Variants in IL4I1 observed in about 807,000 individuals in gnomAD.
IL4I1 encodes the protein interleukin 4 induced 1, also known as L-amino-acid oxidase.
IL4I1 carries 24 observed loss-of-function variants against 29.7 expected under a neutral mutation model. That is an observed-to-expected ratio of 0.81 (90% CI 0.59 to 1.14). IL4I1 has a LOEUF of 1.14. Ranked by LOEUF, IL4I1 falls within the 50% of genes most tolerant of loss-of-function variation. The pLI, the probability that IL4I1 is intolerant of heterozygous loss-of-function variation, is 0.00. For synonymous variants in IL4I1, 371 were observed against 352.5 expected (o/e 1.05, Z -0.59); for missense variants, 686 against 785.6 (o/e 0.87, Z 1.52).
chr19:49,895,698 T>TGCCCCCCCAAA, intron 3 of IL4I1, 117 bp downstream of exon 3: 5 of 705,414 alleles, frequency 7.1e-6, no homozygotes, highest in African/African-American at 1.8e-5. Context: ...AGATAGCCTC[T>TGCCCCCCCAAA]CCCCCCACAT....
At chr19:49,924,801 G>T (rs2075846636) in intron 2 of IL4I1, among the ~76,000 whole-genome samples, 1 of 152,204 alleles carries the variant, frequency 6.6e-6, no homozygotes, top group South Asian at 2.1e-4. Context: ...CCTGAGTCCA[G>T]CTGCTAAGTC....
intron 2 of IL4I1, among the ~76,000 whole-genome samples, chr19:49,927,355 C>T (rs1173290080): frequency 6.6e-6 from 1 of 151,968 alleles, no homozygotes; most frequent in Non-Finnish European, 1.5e-5. Flanking sequence ...TGTCTTAGGC[C>T]ACACATAACA....
At chr19:49,912,137 A>T (rs1290739) in intron 2 of IL4I1, among the ~76,000 whole-genome samples, 1 of 150,620 alleles carries the variant, frequency 6.6e-6, no homozygotes, top group East Asian at 2.0e-4. Context: ...ACAATCTTCT[A>T]TGGGGACTTG....
At chr19:49,898,863 C>T (rs557302952), upstream of IL4I1, among the ~76,000 whole-genome samples, 97 of 152,196 alleles carry the variant, frequency 6.4e-4, no homozygotes, top group Middle Eastern at 3.4e-3. Context: ...AGTGAGACTC[C>T]GTCTCAAAAA....
intron 2 of IL4I1, among the ~76,000 whole-genome samples, chr19:49,912,599 C>G (rs1272458563): frequency 6.6e-6 from 1 of 152,184 alleles, no homozygotes; most frequent in Non-Finnish European, 1.5e-5. Flanking sequence ...TGAGGTGGCT[C>G]ACGCCTGTAA....
At chr19:49,920,513 A>G (rs1241588575) in intron 2 of IL4I1, among the ~76,000 whole-genome samples, 1 of 152,190 alleles carries the variant, frequency 6.6e-6, no homozygotes, top group African/African-American at 2.4e-5. Flanking sequence ...TATCTCAATA[A>G]AGCCACTCAA....
rs751908028 is a variant in IL4I1, at chr19:49,895,200, G to T, written c.253-20C>A. On this transcript the variant is annotated intron_variant, in intron 3 of 7. Coordinates refer to ENST00000391826, the MANE Select transcript of IL4I1 (RefSeq NM_152899.2). Reference sequence around the variant, plus strand: ...GGTGACCTGAGGGAGTCCGTGGGGCGAGGAGGGCCCTTCAGCTCCACCCAC... The same window carrying T: ...GGTGACCTGAGGGAGTCCGTGGGGCTAGGAGGGCCCTTCAGCTCCACCCAC... 6.3e-7 allele frequency: 1 copy of T among 1,595,896 alleles called. No individual in the cohort carries two copies. Among genetic ancestry groups the T allele is most frequent in the South Asian group, 1.1e-5 (1 of 90,586 alleles).
In IL4I1 at chr19:49,894,477, G is replaced by C. The variant is rs1180653449; in HGVS notation, c.366-8C>G. ...CAGAGCTTGTGGAGGATCCTGATCA[G>C]GGGAGTGGGTGAGTGAGGGCCGGGC... On this transcript the variant is annotated splice_polypyrimidine_tract_variant and splice_region_variant and intron_variant, in intron 4 of 7. Transcript: ENST00000391826. 2 of 1,613,782 alleles carry C rather than the reference G, an allele frequency of 1.2e-6. No individual in the cohort carries two copies. The highest frequency in any genetic ancestry group is 1.7e-5 in the Admixed American group (1 of 60,002).
chr19:49,928,464 C>G (rs559448669), intron 1 of IL4I1: 4 of 151,516 alleles, frequency 2.6e-5, no homozygotes, highest in African/African-American at 4.8e-5. Flanking sequence ...TTGCAGTGAG[C>G]CGAGATCGCG....
At chr19:49,920,207 C>T (rs1363807450) in intron 2 of IL4I1, among the ~76,000 whole-genome samples, 1 of 152,216 alleles carries the variant, frequency 6.6e-6, no homozygotes, top group African/African-American at 2.4e-5. Context: ...CTCAGCCTCC[C>T]AAGTAGCTGG....
chr19:49,923,216 G>A (rs567985570), intron 2 of IL4I1, among the ~76,000 whole-genome samples: 69 of 152,274 alleles, frequency 4.5e-4, no homozygotes, highest in Non-Finnish European at 9.1e-4. Flanking sequence ...CTCCCCAACT[G>A]AGCTGGCCTT....
intron 1 of IL4I1, 112 bp from the exon 2 acceptor site, chr19:49,896,294 T>C: frequency 7.7e-7 from 1 of 1,292,340 alleles, no homozygotes; most frequent in Admixed American, 2.9e-5. Context: ...CCCCAGTCAC[T>C]GTCCTGCTCT....
intron 2 of IL4I1, among the ~76,000 whole-genome samples, chr19:49,916,914 C>A (rs1210224555): frequency 2.0e-5 from 3 of 152,200 alleles, no homozygotes; most frequent in African/African-American, 7.2e-5. Flanking sequence ...GAGCGAGACC[C>A]CGTCTCAAAC....
At chr19:49,925,546 A>G (rs2075867414) in intron 2 of IL4I1, among the ~76,000 whole-genome samples, 1 of 152,088 alleles carries the variant, frequency 6.6e-6, no homozygotes, top group Non-Finnish European at 1.5e-5. Context: ...TCCATAAAAT[A>G]CCCAACCAGC....
At chr19:49,923,572 G>A (rs537275222) in intron 2 of IL4I1, among the ~76,000 whole-genome samples, 11 of 152,174 alleles carry the variant, frequency 7.2e-5, no homozygotes, top group Non-Finnish European at 1.3e-4. Context: ...TCTGGCAGCC[G>A]CCGGCTTCAC....
intron 2 of IL4I1, among the ~76,000 whole-genome samples, chr19:49,922,746 G>A (rs2075794838): frequency 6.6e-6 from 1 of 151,826 alleles, no homozygotes; most frequent in East Asian, 1.9e-4. Context: ...CTTCTCCCGT[G>A]AAACCAGCAG....
chr19:49,925,086 A>G (rs1031417845), intron 2 of IL4I1, among the ~76,000 whole-genome samples: 6 of 151,804 alleles, frequency 4.0e-5, no homozygotes, highest in African/African-American at 1.5e-4. Context: ...ACATGGAGAA[A>G]CCCCGTCTCT....
Position 49,890,431 on chromosome 19 carries a change from C to A in IL4I1, c.943G>T (p.Ala315Ser), listed in dbSNP as rs766148441. 11 of 1,610,834 alleles carry A rather than the reference C, an allele frequency of 6.8e-6. No individual in the cohort carries two copies. The highest frequency in any genetic ancestry group is 7.6e-6 in the Non-Finnish European group (9 of 1,179,546). Residue 315 changes from alanine to serine, a missense_variant, in exon 8 of 8, where the codon GCC (alanine) becomes TCC (serine). Coordinates refer to ENST00000391826, the MANE Select transcript of IL4I1 (RefSeq NM_152899.2). ...CTCGCCGTCAGCAGCACCACGTCGG[C>A]CTTCAGCACCTTCAGATTCCGCGCC... Reference protein sequence around the residue: ...PPARNLKVLKADVVLLTASGP... With the variant: ...PPARNLKVLKSDVVLLTASGP...
At chr19:49,920,828 G>A (rs991700209) in intron 2 of IL4I1, among the ~76,000 whole-genome samples, 2 of 152,224 alleles carry the variant, frequency 1.3e-5, no homozygotes, top group Admixed American at 6.5e-5. Flanking sequence ...GCGGACAGGC[G>A]TGTGTGGCGG....
Sources: allele counts gnomAD v4.1 joint callset (sites outside exome capture counted in the v4.1 genomes callset), GRCh38; gene constraint gnomAD v4.1.1; transcripts MANE v1.5; gene names NCBI Gene and HGNC (gene_info 2026-07-23, HGNC 2026-07-21).